The following SND1 variants were observed in gnomAD, a reference collection of about 807,000 sequenced individuals.
SND1 encodes staphylococcal nuclease and tudor domain containing 1.
A neutral mutation model predicts 121.7 loss-of-function variants in SND1; 38 were observed. That is an observed-to-expected ratio of 0.31 (90% CI 0.24 to 0.41). The LOEUF (loss-of-function observed/expected upper bound fraction) is 0.41. Among genes scored for constraint, SND1 ranks in the 10% least tolerant of loss-of-function variants. SND1 has a pLI of 1.00. For synonymous variants in SND1, 401 were observed against 447.4 expected (o/e 0.90, Z 1.31); for missense variants, 868 against 1,184.6 (o/e 0.73, Z 3.92).
intron 1 of SND1, among the ~76,000 whole-genome samples, chr7:127,658,304 G>A (rs1472588984): frequency 1.3e-5 from 2 of 152,152 alleles, no homozygotes; most frequent in Non-Finnish European, 2.9e-5. Flanking sequence ...GACAGAGTGA[G>A]ACTGTGTCTC....
intron 11 of SND1, among the ~76,000 whole-genome samples, chr7:127,837,866 G>A (rs1029426296): frequency 8.5e-5 from 13 of 152,140 alleles, no homozygotes; most frequent in South Asian, 4.1e-4. Context: ...AGTAGCACTC[G>A]AACATAAATT....
chr7:128,062,385 A>ATTTT (rs898061502), intron 16 of SND1, among the ~76,000 whole-genome samples: 2 of 152,200 alleles, frequency 1.3e-5, no homozygotes, highest in African/African-American at 4.8e-5. Flanking sequence ...TAATGATAAA[A>ATTTT]GAGGCGTGAG....
intron 15 of SND1, among the ~76,000 whole-genome samples, chr7:127,972,958 G>A (rs147006617): frequency 6.6e-6 from 1 of 152,294 alleles, no homozygotes; most frequent in East Asian, 1.9e-4. Context: ...ATTGCATTAT[G>A]TAATTTTCAA....
chr7:127,705,042 T>C, intron 8 of SND1, 97 bp downstream of exon 8: 1 of 959,672 alleles, frequency 1.0e-6, no homozygotes, highest in Non-Finnish European at 1.6e-6. Flanking sequence ...TGTGTCAGTG[T>C]TCATTTTACT....
intron 15 of SND1, among the ~76,000 whole-genome samples, chr7:127,953,706 TCATTCCAC>T (rs1465627022): frequency 6.6e-6 from 1 of 152,248 alleles, no homozygotes; most frequent in Non-Finnish European, 1.5e-5. Flanking sequence ...TTTTCCTCGT[TCATTCCAC>T]CAGCAATCAT....
intron 15 of SND1, among the ~76,000 whole-genome samples, chr7:127,958,468 C>T (rs1042562848): frequency 2.0e-5 from 3 of 151,114 alleles, no homozygotes; most frequent in East Asian, 1.9e-4. Flanking sequence ...CCCTGAGATG[C>T]GCAGAACTAG....
At chr7:127,758,053 G>A (rs1250593969) in intron 10 of SND1, among the ~76,000 whole-genome samples, 1 of 152,182 alleles carries the variant, frequency 6.6e-6, no homozygotes, top group African/African-American at 2.4e-5. Flanking sequence ...GGAATACTAG[G>A]TTTCCTTGTA....
intron 16 of SND1, among the ~76,000 whole-genome samples, chr7:128,057,911 G>C (rs1310965577): frequency 6.6e-6 from 1 of 152,216 alleles, no homozygotes; most frequent in Non-Finnish European, 1.5e-5. Flanking sequence ...GCAAGTAGGA[G>C]GTGGTGGAAA....
At chr7:127,774,296 A>T (rs1358293960) in intron 10 of SND1, among the ~76,000 whole-genome samples, 1 of 152,228 alleles carries the variant, frequency 6.6e-6, no homozygotes, top group Non-Finnish European at 1.5e-5. Context: ...TAAACAAAAA[A>T]CTTTAAGACA....
At chr7:128,043,567 A>G (rs1338910944) in intron 16 of SND1, among the ~76,000 whole-genome samples, 1 of 151,326 alleles carries the variant, frequency 6.6e-6, no homozygotes, top group African/African-American at 2.4e-5. Context: ...GGGAGACTCC[A>G]TCTCAAAAAA....
chr7:128,035,074 A>T (rs1562877466), intron 16 of SND1, among the ~76,000 whole-genome samples: 1 of 152,242 alleles, frequency 6.6e-6, no homozygotes, highest in Admixed American at 6.5e-5. Context: ...GAGCTAAAAA[A>T]GCCAGCAGTG....
chr7:128,027,764 G>A (rs1270766818), intron 16 of SND1: 2 of 152,168 alleles, frequency 1.3e-5, no homozygotes, highest in Non-Finnish European at 2.9e-5. Flanking sequence ...GCTAATTTAT[G>A]GCCTCCTGTG....
chr7:128,077,153 G>A (rs1302631004), intron 17 of SND1, among the ~76,000 whole-genome samples: 2 of 152,206 alleles, frequency 1.3e-5, no homozygotes, highest in African/African-American at 4.8e-5. Context: ...AGGCCTAAAG[G>A]CCTCCGCCAC....
At chr7:127,984,291 T>C (rs559509265) in intron 15 of SND1, among the ~76,000 whole-genome samples, 1 of 152,378 alleles carries the variant, frequency 6.6e-6, no homozygotes, top group East Asian at 1.9e-4. Context: ...ACTTCAACTC[T>C]GTAGTTAAAC....
At chr7:127,771,880 G>C (rs967290232) in intron 10 of SND1, among the ~76,000 whole-genome samples, 1 of 152,126 alleles carries the variant, frequency 6.6e-6, no homozygotes, top group Admixed American at 6.5e-5. Flanking sequence ...TTGCCCAGCA[G>C]ATTTGGATCA....
chr7:127,683,948 C>A (rs183054622), intron 1 of SND1, among the ~76,000 whole-genome samples: 2 of 152,316 alleles, frequency 1.3e-5, no homozygotes, highest in East Asian at 3.8e-4. Flanking sequence ...AGAGGGCATA[C>A]AAAGGAGTTT....
At chr7:127,731,133 T>G (rs1403116546) in intron 10 of SND1, among the ~76,000 whole-genome samples, 3 of 152,240 alleles carry the variant, frequency 2.0e-5, no homozygotes, top group Non-Finnish European at 4.4e-5. Flanking sequence ...TCCCTTAGGC[T>G]CTTTCTGGCC....
chr7:127,674,830 T>G (rs1288341461), intron 1 of SND1, among the ~76,000 whole-genome samples: 2 of 152,242 alleles, frequency 1.3e-5, no homozygotes, highest in African/African-American at 4.8e-5. Context: ...GTGCTTTTCG[T>G]ATTTGTCTGG....
chr7:127,904,746 G>A lies in SND1; in HGVS notation c.1455-1G>A, dbSNP rs1299578565. On this transcript the variant is annotated splice_acceptor_variant, in intron 13 of 23. Transcript: ENST00000354725. LOFTEE classifies it high-confidence loss of function. Reference sequence around the variant, plus strand: ...TCGGTTTTTCTCTTCTTCCTTAACAGAGCTATTAAGAATGGCAAAGGATTG... The same window carrying A: ...TCGGTTTTTCTCTTCTTCCTTAACAAAGCTATTAAGAATGGCAAAGGATTG... The A allele has an allele frequency of 6.2e-7, 1 of 1,602,488 alleles. No homozygotes were observed.
Sources: gnomAD v4.1 joint callset for allele counts (sites outside exome capture counted in the v4.1 genomes callset) on GRCh38, gnomAD v4.1.1 for gene constraint, MANE v1.5 for transcripts, NCBI Gene and HGNC (gene_info 2026-07-23, HGNC 2026-07-21) for gene names.